RNF24: variants seen among roughly 807,000 people sequenced by gnomAD.
RNF24 encodes the protein ring finger protein 24.
In RNF24, 14 loss-of-function variants were observed where a neutral mutation model predicts 20.0. That is an observed-to-expected ratio of 0.70 (90% CI 0.46 to 1.10). The LOEUF (loss-of-function observed/expected upper bound fraction) is 1.10, where lower values mean the gene tolerates loss of function less well. RNF24 is among the 50% of genes least tolerant of loss of function. The probability of loss-of-function intolerance (pLI) is 0.00; values close to 1 mark genes in which losing one functional copy is unlikely to be tolerated. For synonymous variants in RNF24, 45 were observed against 61.1 expected (o/e 0.74, Z 1.23); for missense variants, 124 against 177.6 (o/e 0.70, Z 1.71).
intron 1 of RNF24, among the ~76,000 whole-genome samples, chr20:3,985,731 T>C (rs1160572546): frequency 8.0e-5 from 12 of 149,606 alleles, no homozygotes; most frequent in Non-Finnish European, 1.5e-5. Context: ...TGAGATGCAG[T>C]TTCGGTCTTG....
chr20:3,978,712 T>A (rs139903093), intron 1 of RNF24, among the ~76,000 whole-genome samples: 1,545 of 152,174 alleles, frequency 0.01, 16 homozygotes, highest in African/African-American at 0.035. Flanking sequence ...AAATAAAGGC[T>A]AAAAAGCTAT....
rs2090861536 is a variant in RNF24, at chr20:3,934,141, T to C, written c.369A>G (p.Leu123=). The C allele has an allele frequency of 1.3e-6, 2 of 1,592,444 alleles. No homozygotes were observed. Among genetic ancestry groups the C allele is most frequent in the Non-Finnish European group, 1.7e-6 (2 of 1,169,654 alleles). ...KVCPLCNMPV[L]QLAQLHSKQD... ...GCTTACTGTGCAACTGGGCCAGCTGTAGAACTGGCATGTTGCACAGGGGAC... is the reference window on the plus strand; with the variant it reads ...GCTTACTGTGCAACTGGGCCAGCTGCAGAACTGGCATGTTGCACAGGGGAC... Residue 123 remains leucine, a synonymous_variant, in exon 6 of 6, where the codon CTA becomes CTG. Coordinates refer to ENST00000358395, the MANE Select transcript of RNF24 (RefSeq NM_001134337.3). This position sits in a 1 kb window ranked among gnomAD's most constrained non-coding sequence, Gnocchi z 4.0.
intron 1 of RNF24, among the ~76,000 whole-genome samples, chr20:3,980,886 C>T (rs961912431): frequency 1.3e-5 from 2 of 150,952 alleles, no homozygotes; most frequent in African/African-American, 4.9e-5. Context: ...GGGCTCCATT[C>T]TTACACGGCA....
chr20:3,983,849 G>A (rs546174021), intron 1 of RNF24, among the ~76,000 whole-genome samples: 2 of 147,554 alleles, frequency 1.4e-5, no homozygotes, highest in Admixed American at 1.4e-4. Context: ...GCTGAGGCAG[G>A]AGAATCACTT....
rs553645520 is a variant in RNF24 at position 3,929,834 on chromosome 20, C to G, written c.*4229G>C. ...GAGGGACTGCAGATTCTGATTTGTACAGAAAACTAAAATTTCAGTATGTTG... is the reference window on the plus strand; with the variant it reads ...GAGGGACTGCAGATTCTGATTTGTAGAGAAAACTAAAATTTCAGTATGTTG... On this transcript the variant is annotated 3_prime_UTR_variant, in exon 6 of 6. Coordinates refer to ENST00000358395, the MANE Select transcript of RNF24 (RefSeq NM_001134337.3). 1 of 152,192 alleles carries G rather than the reference C, an allele frequency of 6.6e-6. No homozygotes were observed. The highest frequency in any genetic ancestry group is 1.9e-4 in the East Asian group (1 of 5,200). 9.4% of individuals were successfully genotyped at this position (152,192 alleles called of 1,614,324 possible).
intron 1 of RNF24, among the ~76,000 whole-genome samples, chr20:3,994,796 C>G (rs192589821): frequency 6.8e-4 from 103 of 152,072 alleles, no homozygotes; most frequent in Non-Finnish European, 1.2e-3. Flanking sequence ...TCTTAGTTAC[C>G]CAAAAAGGTA....
At chr20:3,969,817 C>A (rs2091296161) in intron 1 of RNF24, among the ~76,000 whole-genome samples, 1 of 146,174 alleles carries the variant, frequency 6.8e-6, no homozygotes, top group South Asian at 2.1e-4. Flanking sequence ...TGTCACCAGG[C>A]TGGAGTGCAG....
intron 2 of RNF24, among the ~76,000 whole-genome samples, chr20:3,956,183 T>C (rs1289878931): frequency 2.0e-5 from 3 of 151,934 alleles, no homozygotes; most frequent in Admixed American, 2.0e-4. Context: ...AGTGGTAAAG[T>C]GGGCATTCTT....
chr20:3,946,401 C>T (rs2146958290), intron 3 of RNF24, among the ~76,000 whole-genome samples: 1 of 152,180 alleles, frequency 6.6e-6, no homozygotes, highest in African/African-American at 2.4e-5. Flanking sequence ...TTGCAGTGAG[C>T]TGAGATTGCA....
At chr20:3,962,732 C>T (rs1468792693) in intron 2 of RNF24, among the ~76,000 whole-genome samples, 1 of 146,616 alleles carries the variant, frequency 6.8e-6, no homozygotes, top group Non-Finnish European at 1.5e-5. Flanking sequence ...TTTTTTGAGA[C>T]GGAGTTTTGT....
intron 1 of RNF24, among the ~76,000 whole-genome samples, chr20:4,001,988 G>A (rs1054278942): frequency 1.3e-5 from 2 of 151,106 alleles, no homozygotes; most frequent in African/African-American, 2.4e-5. Context: ...CGCGGTGGCT[G>A]ACACCCATAA....
chr20:3,964,129 A>G (rs1477422948), intron 1 of RNF24, 105 bp from the exon 2 acceptor site: 1 of 866,970 alleles, frequency 1.2e-6, no homozygotes, highest in East Asian at 2.7e-5. Context: ...TCTGAAACAA[A>G]TATGGTAGAC....
intron 1 of RNF24, among the ~76,000 whole-genome samples, chr20:4,014,733 G>C (rs1982738454): frequency 7.6e-6 from 1 of 132,050 alleles, no homozygotes; most frequent in African/African-American, 3.1e-5. Flanking sequence ...CCTTTCACTT[G>C]AATGCGCACA....
chr20:3,953,586 TCC>T (rs2091107310), intron 2 of RNF24, among the ~76,000 whole-genome samples: 1 of 151,116 alleles, frequency 6.6e-6, no homozygotes, highest in Non-Finnish European at 1.5e-5. Flanking sequence ...TGCCTCAGCC[TCC>T]CATGTAGCTG....
At chr20:3,957,134 C>T (rs1383206806) in intron 2 of RNF24, among the ~76,000 whole-genome samples, 1 of 151,998 alleles carries the variant, frequency 6.6e-6, no homozygotes, top group African/African-American at 2.4e-5. Flanking sequence ...CCTGTCTCTA[C>T]TAAAAATACA....
intron 1 of RNF24, among the ~76,000 whole-genome samples, chr20:4,003,633 C>CT (rs377227990): frequency 0.072 from 6,062 of 84,228 alleles, 1,681 homozygotes; most frequent in East Asian, 0.29. Flanking sequence ...TTAGAAACTC[C>CT]TTTTTTTTTT....
Position 3,934,830 on chromosome 20 carries a change from C to G in RNF24, c.308+164G>C, listed in dbSNP as rs1252668119. Among the ~76,000 whole-genome samples the G allele has an allele frequency of 6.6e-6, 1 of 152,126 alleles. No homozygotes were observed. Among genetic ancestry groups the G allele is most frequent in the Non-Finnish European group, 1.5e-5 (1 of 68,022 alleles). ...ACCACTCTGCTGTCTCCTAATGTCACGCACACACACACACATCCCACCTGT... is the reference window on the plus strand; with the variant it reads ...ACCACTCTGCTGTCTCCTAATGTCAGGCACACACACACACATCCCACCTGT... On this transcript the variant is annotated intron_variant, in intron 5 of 5. Coordinates refer to ENST00000358395, the MANE Select transcript of RNF24 (RefSeq NM_001134337.3). The surrounding 1 kb of genome is among the most constrained non-coding windows in gnomAD (Gnocchi z 4.0).
intron 4 of RNF24, among the ~76,000 whole-genome samples, chr20:3,936,362 TG>T: frequency 6.6e-6 from 1 of 152,300 alleles, no homozygotes; most frequent in South Asian, 2.1e-4. Context: ...TTCCTTCATC[TG>T]TACAATAAGG....
chr20:3,955,828 G>C (rs537424934), intron 2 of RNF24, among the ~76,000 whole-genome samples: 1 of 151,954 alleles, frequency 6.6e-6, no homozygotes, highest in African/African-American at 2.4e-5. Flanking sequence ...TAGTTTTCAG[G>C]GTATAAGTCT....
Sources: gnomAD v4.1 joint callset for allele counts (sites outside exome capture counted in the v4.1 genomes callset) on GRCh38, gnomAD v4.1.1 for gene constraint, Gnocchi (gnomAD v3.1) non-coding constraint, MANE v1.5 for transcripts, NCBI Gene and HGNC (gene_info 2026-07-23, HGNC 2026-07-21) for gene names.